Variants in UBE2L3 observed in about 807,000 individuals in gnomAD.
UBE2L3 encodes the protein ubiquitin conjugating enzyme E2 L3, also known as ubiquitin-conjugating enzyme E2 L3.
Under a neutral mutation model 17.8 loss-of-function variants are expected in UBE2L3, and 1 was observed. That is an observed-to-expected ratio of 0.06 (90% CI 0.02 to 0.27). UBE2L3 has a LOEUF of 0.27. Among genes scored for constraint, UBE2L3 ranks in the 10% least tolerant of loss-of-function variants. The pLI, the probability that UBE2L3 is intolerant of heterozygous loss-of-function variation, is 1.00. For missense variants in UBE2L3, 40 were observed against 192.6 expected (o/e 0.21, Z 4.69); for synonymous variants, 44 against 68.5 (o/e 0.64, Z 1.76).
At chr22:21,587,667 A>G (rs1355247735) in intron 1 of UBE2L3, among the ~76,000 whole-genome samples, 1 of 152,190 alleles carries the variant, frequency 6.6e-6, no homozygotes, top group African/African-American at 2.4e-5. Flanking sequence ...AGCACTGGCT[A>G]TATACAGCAG....
chr22:21,612,336 T>C (rs1323820910), intron 3 of UBE2L3, among the ~76,000 whole-genome samples: 1 of 152,160 alleles, frequency 6.6e-6, no homozygotes, highest in African/African-American at 2.4e-5. Context: ...TCTTTTCTTT[T>C]CTTTTTTGGA....
chr22:21,558,101 T>C (rs572060313), intron 1 of UBE2L3, among the ~76,000 whole-genome samples: 436 of 150,696 alleles, frequency 2.9e-3, no homozygotes, highest in Non-Finnish European at 5.2e-3. Context: ...CTATGACTTT[T>C]GGGCCACGGA....
At chr22:21,572,831 C>A (rs1282892813) in intron 1 of UBE2L3, among the ~76,000 whole-genome samples, 1 of 152,158 alleles carries the variant, frequency 6.6e-6, no homozygotes, top group Non-Finnish European at 1.5e-5. Context: ...TCCTCCTGTC[C>A]CACCTTAGTT....
chr22:21,604,925 C>T (rs1239864778), intron 2 of UBE2L3, among the ~76,000 whole-genome samples: 1 of 152,150 alleles, frequency 6.6e-6, no homozygotes, highest in Non-Finnish European at 1.5e-5. Flanking sequence ...CATGTAGTAA[C>T]AGAACTGCTT....
intron 1 of UBE2L3, chr22:21,568,036 T>C (rs1926734330): frequency 4.6e-6 from 6 of 1,291,102 alleles, no homozygotes; most frequent in African/African-American, 3.1e-5. Context: ...CGCCCGGAGC[T>C]TGGCCGCGTC....
intron 1 of UBE2L3, among the ~76,000 whole-genome samples, chr22:21,582,171 C>G (rs940878629): frequency 4.6e-5 from 7 of 151,006 alleles, no homozygotes; most frequent in African/African-American, 1.5e-4. Flanking sequence ...AGAACAACGT[C>G]TGGGTTTCGG....
intron 1 of UBE2L3, among the ~76,000 whole-genome samples, chr22:21,562,601 G>C (rs1926482892): frequency 6.6e-6 from 1 of 150,718 alleles, no homozygotes; most frequent in African/African-American, 2.4e-5. Flanking sequence ...TCGATCTCCT[G>C]ACCTCATGAT....
intron 2 of UBE2L3, among the ~76,000 whole-genome samples, chr22:21,597,716 T>C (rs186005415): frequency 6.6e-6 from 1 of 151,788 alleles, no homozygotes; most frequent in Admixed American, 6.6e-5. Flanking sequence ...CTGAGTTTTC[T>C]TCTAAGAGTT....
intron 1 of UBE2L3, 28 bp downstream of exon 1, chr22:21,567,799 G>GCC: frequency 6.4e-7 from 1 of 1,570,434 alleles, no homozygotes; most frequent in Admixed American, 1.9e-5. Context: ...GCAGCGGCCG[G>GCC]GCGTGGGGCG....
At chr22:21,620,408 G>A (rs920968780) in intron 3 of UBE2L3, among the ~76,000 whole-genome samples, 8 of 152,162 alleles carry the variant, frequency 5.3e-5, no homozygotes, top group African/African-American at 1.9e-4. Flanking sequence ...TCCAGTCTGA[G>A]TGACAGCAAG....
chr22:21,592,197 C>T (rs1478100018), intron 1 of UBE2L3, among the ~76,000 whole-genome samples: 2 of 152,146 alleles, frequency 1.3e-5, no homozygotes, highest in African/African-American at 4.8e-5. Flanking sequence ...GCTTCCCTTT[C>T]CTTTTCTGCA....
chr22:21,582,350 TTTG>T (rs1429138354), intron 1 of UBE2L3, among the ~76,000 whole-genome samples: 20 of 151,086 alleles, frequency 1.3e-4, no homozygotes, highest in African/African-American at 1.7e-4. Flanking sequence ...TGGGTTTTTT[TTTG>T]TTGTTGTTTT....
At chr22:21,585,078 C>G (rs1276585617) in intron 1 of UBE2L3, among the ~76,000 whole-genome samples, 1 of 152,220 alleles carries the variant, frequency 6.6e-6, no homozygotes, top group Non-Finnish European at 1.5e-5. Flanking sequence ...TTCTTTAGGC[C>G]ATAGGTTCCT....
chr22:21,581,123 T>C (rs1927609168), intron 1 of UBE2L3, among the ~76,000 whole-genome samples: 1 of 151,576 alleles, frequency 6.6e-6, no homozygotes, highest in Non-Finnish European at 1.5e-5. Context: ...GGTGCAATCT[T>C]GGCTTATTGC....
chr22:21,567,901 G>A, intron 1 of UBE2L3, 130 bp downstream of exon 1: 1 of 1,518,106 alleles, frequency 6.6e-7, no homozygotes, highest in Non-Finnish European at 8.8e-7. Flanking sequence ...TCGGTTCCCT[G>A]GGCCGCGCGC....
chr22:21,578,814 C>T (rs1312654030), intron 1 of UBE2L3, among the ~76,000 whole-genome samples: 1 of 152,006 alleles, frequency 6.6e-6, no homozygotes, highest in Non-Finnish European at 1.5e-5. Flanking sequence ...GCTGTAACCT[C>T]TGAGAAGCAC....
chr22:21,607,747 A>G (rs1215997912), intron 2 of UBE2L3, among the ~76,000 whole-genome samples: 1 of 152,100 alleles, frequency 6.6e-6, no homozygotes, highest in African/African-American at 2.4e-5. Flanking sequence ...CAGGCCCCAA[A>G]GGTGGTTTTC....
At position 21,599,723 on chromosome 22, in the gene UBE2L3, G is replaced by A. The variant is rs117033964; in HGVS notation, c.123+6767G>A. Reference sequence around the variant, plus strand: ...AGAGCACCATGTATGCACAGAGAACGTTCTTGGGCTGTGCAGCAGAGGCCT... The same window carrying A: ...AGAGCACCATGTATGCACAGAGAACATTCTTGGGCTGTGCAGCAGAGGCCT... On this transcript the variant is annotated intron_variant, in intron 2 of 3. Coordinates refer to ENST00000342192, the MANE Select transcript of UBE2L3 (RefSeq NM_003347.4). 2.3e-3 allele frequency among the ~76,000 whole-genome samples: 345 copies of A among 152,310 alleles called. 8 individuals carry two copies. The East Asian group carries it at 0.04, about 18-fold the overall frequency.
chr22:21,585,395 A>C (rs532281179), intron 1 of UBE2L3, among the ~76,000 whole-genome samples: 4 of 152,258 alleles, frequency 2.6e-5, no homozygotes, highest in Non-Finnish European at 5.9e-5. Context: ...TGGTTTTGCT[A>C]TCCAGGATCC....
Sources: gnomAD v4.1 joint callset for allele counts (sites outside exome capture counted in the v4.1 genomes callset) on GRCh38, gnomAD v4.1.1 for gene constraint, MANE v1.5 for transcripts, NCBI Gene and HGNC (gene_info 2026-07-23, HGNC 2026-07-21) for gene names.